TCEA1: variants seen among roughly 807,000 people sequenced by gnomAD.
TCEA1 encodes transcription elongation factor A1.
In TCEA1, 21 loss-of-function variants were observed where a neutral mutation model predicts 43.8. The observed-to-expected ratio is 0.48, with a 90% CI of 0.34 to 0.69. TCEA1 has a LOEUF of 0.69. TCEA1 is among the 30% of genes least tolerant of loss of function. The pLI is 0.01. For missense variants in TCEA1, 250 were observed against 365.1 expected (o/e 0.68, Z 2.57); for synonymous variants, 104 against 117.5 (o/e 0.88, Z 0.75).
At chr8:54,006,318 T>C (rs1181729439) in intron 2 of TCEA1, among the ~76,000 whole-genome samples, 2 of 152,100 alleles carry the variant, frequency 1.3e-5, no homozygotes, top group Non-Finnish European at 2.9e-5. Context: ...TTCTTAATCA[T>C]AGTAAAAACT....
intron 3 of TCEA1, among the ~76,000 whole-genome samples, chr8:53,996,012 T>C (rs547520020): frequency 1.2e-4 from 18 of 152,298 alleles, no homozygotes; most frequent in South Asian, 6.2e-4. Context: ...AAAACAAAGA[T>C]TAATAATGAC....
chr8:54,011,493 A>T (rs1423268112), intron 1 of TCEA1, among the ~76,000 whole-genome samples: 1 of 152,238 alleles, frequency 6.6e-6, no homozygotes, highest in African/African-American at 2.4e-5. Flanking sequence ...TCATTCCACA[A>T]GTTCTGATGC....
intron 7 of TCEA1, among the ~76,000 whole-genome samples, chr8:53,981,821 C>T (rs1803513250): frequency 6.6e-6 from 1 of 151,396 alleles, no homozygotes; most frequent in Admixed American, 6.6e-5. Context: ...GGTGCAATCT[C>T]AGCTTACTGA....
At chr8:54,006,186 C>A (rs183545677) in intron 2 of TCEA1, among the ~76,000 whole-genome samples, 33 of 152,312 alleles carry the variant, frequency 2.2e-4, no homozygotes, top group Non-Finnish European at 4.6e-4. Context: ...CAGATGAACA[C>A]TGTATGGACT....
intron 2 of TCEA1, among the ~76,000 whole-genome samples, chr8:54,003,496 C>T (rs1027693529): frequency 9.2e-5 from 14 of 152,152 alleles, no homozygotes; most frequent in South Asian, 2.1e-4. Context: ...AAAGGATGGA[C>T]GCGCAGATCA....
At chr8:53,993,454 T>C (rs1476820304) in intron 4 of TCEA1, 2 of 412,344 alleles carry the variant, frequency 4.9e-6, no homozygotes, top group Non-Finnish European at 8.5e-6. Flanking sequence ...ACAATATAAA[T>C]AACTTCTTAT....
rs374150495 is a variant in TCEA1 at position 53,979,064 on chromosome 8, T to C, written c.786A>G (p.Thr262=). ...KTGGTQTDLF[T]CGKCKKKNCT... is the part of the protein sequence containing the mutation. The stretch of plus-strand genomic sequence containing the variant: ...AATTCTTCTTTTTACATTTGCCACA[T>C]GTGAACAAGTCAGTCTGGGTCCCAC... Residue 262 remains threonine, a synonymous_variant, in exon 8 of 10, where the codon ACA becomes ACG. Transcript: ENST00000521604. 3.7e-6 allele frequency: 6 copies of C among 1,613,174 alleles called. No homozygotes were observed. Among genetic ancestry groups the C allele is most frequent in the Non-Finnish European group, 5.1e-6 (6 of 1,179,272 alleles).
chr8:53,981,056 C>T (rs908593411), intron 7 of TCEA1, among the ~76,000 whole-genome samples: 4 of 152,138 alleles, frequency 2.6e-5, no homozygotes, highest in Non-Finnish European at 5.9e-5. Flanking sequence ...CAGAAAAAGG[C>T]CTTAACTCTT....
chr8:53,984,027 G>A (rs1435266354), intron 7 of TCEA1, among the ~76,000 whole-genome samples: 1 of 152,232 alleles, frequency 6.6e-6, no homozygotes, highest in Non-Finnish European at 1.5e-5. Flanking sequence ...TTGAACCCAG[G>A]AGGGGGAGGT....
chr8:54,018,762 G>A (rs775722445), intron 1 of TCEA1, among the ~76,000 whole-genome samples: 23 of 152,188 alleles, frequency 1.5e-4, no homozygotes, highest in African/African-American at 5.6e-4. Flanking sequence ...CTAGGGTCAG[G>A]ATATTGATCT....
chr8:53,999,044 C>G (rs988127137), intron 3 of TCEA1, among the ~76,000 whole-genome samples: 1 of 151,858 alleles, frequency 6.6e-6, no homozygotes, highest in Non-Finnish European at 1.5e-5. Context: ...CTGGCTAACA[C>G]GGTGAAACCT....
chr8:54,012,840 G>A lies in TCEA1; in HGVS notation c.64-2348C>T, dbSNP rs189407171. Among the ~76,000 whole-genome samples, 163 of 152,012 alleles carry A rather than the reference G, an allele frequency of 1.1e-3. 3 individuals are homozygous for A. The highest frequency in any genetic ancestry group is 6.6e-4 in the Admixed American group (10 of 15,262). On this transcript the variant is annotated intron_variant, in intron 1 of 9. Transcript: ENST00000521604. The stretch of plus-strand genomic sequence containing the variant: ...TCCTAGCTACTCCAGAAGCTGAGGC[G>A]GGAGGACTGCTCGAGCCCAGAAGCT...
chr8:53,985,677 C>T (rs889581615), intron 6 of TCEA1, among the ~76,000 whole-genome samples: 6 of 152,152 alleles, frequency 3.9e-5, no homozygotes, highest in Non-Finnish European at 8.8e-5. Flanking sequence ...CCAGGACAAT[C>T]TCATGTTACA....
At chr8:54,016,387 T>C (rs1034450998) in intron 1 of TCEA1, among the ~76,000 whole-genome samples, 3 of 150,926 alleles carry the variant, frequency 2.0e-5, no homozygotes, top group African/African-American at 7.3e-5. Context: ...AGGAGAATGG[T>C]GGGAACCCGG....
At chr8:53,995,230 G>A (rs1038499860) in intron 3 of TCEA1, among the ~76,000 whole-genome samples, 11 of 151,584 alleles carry the variant, frequency 7.3e-5, no homozygotes, top group Admixed American at 5.9e-4. Context: ...GGGAGGAGGA[G>A]GTTGCAGTGA....
chr8:54,011,360 G>C (rs1393632280), intron 1 of TCEA1, among the ~76,000 whole-genome samples: 1 of 152,140 alleles, frequency 6.6e-6, no homozygotes, highest in African/African-American at 2.4e-5. Context: ...TGAGCTCTAG[G>C]GCTGGCTTTG....
At chr8:54,009,279 G>T (rs1397663965) in intron 2 of TCEA1, among the ~76,000 whole-genome samples, 3 of 151,958 alleles carry the variant, frequency 2.0e-5, no homozygotes, top group African/African-American at 7.3e-5. Context: ...GATTTCTCAA[G>T]AACTAAAAAT....
intron 4 of TCEA1, among the ~76,000 whole-genome samples, chr8:53,989,957 C>T (rs535960383): frequency 6.6e-6 from 1 of 152,032 alleles, no homozygotes; most frequent in African/African-American, 2.4e-5. Context: ...ATTTTTTGGC[C>T]GGGCAAGCTG....
At chr8:53,975,263 A>G (rs1803294101) in intron 8 of TCEA1, among the ~76,000 whole-genome samples, 1 of 152,216 alleles carries the variant, frequency 6.6e-6, no homozygotes, top group African/African-American at 2.4e-5. Flanking sequence ...AAATATTGCA[A>G]ACAACAAAAT....
Sources: gnomAD v4.1 joint callset for allele counts (sites outside exome capture counted in the v4.1 genomes callset) on GRCh38, gnomAD v4.1.1 for gene constraint, MANE v1.5 for transcripts, NCBI Gene and HGNC (gene_info 2026-07-23, HGNC 2026-07-21) for gene names.